ZNF165: variants seen among roughly 807,000 people sequenced by gnomAD.
ZNF165 encodes zinc finger protein 165, also known as cancer/testis antigen 53.
In ZNF165, 14 loss-of-function variants were observed where a neutral mutation model predicts 19.6. That is an observed-to-expected ratio of 0.71 (90% confidence interval 0.47 to 1.12). The LOEUF (loss-of-function observed/expected upper bound fraction) is 1.12, where lower values mean the gene tolerates loss of function less well. Among genes scored for constraint, ZNF165 ranks in the 50% most tolerant of loss-of-function variants. The pLI is 0.00. For synonymous variants in ZNF165, 165 were observed against 195.0 expected (o/e 0.85, Z 1.28); for missense variants, 504 against 566.3 (o/e 0.89, Z 1.12).
At chr6:28,081,296 G>C (rs562620043) in intron 1 of ZNF165, 1 of 152,278 alleles carries the variant, frequency 6.6e-6, no homozygotes, top group Non-Finnish European at 1.5e-5. Context: ...ATTCCAGCCA[G>C]GTGGAACGGG....
intron 3 of ZNF165, 128 bp from the exon 4 acceptor site, chr6:28,088,435 A>G: frequency 2.6e-6 from 2 of 757,200 alleles, no homozygotes; most frequent in South Asian, 2.1e-5. Flanking sequence ...CTTTCATTCT[A>G]TCATTCCTCT....
At chr6:28,086,463 G>A (rs905037852) in intron 3 of ZNF165, among the ~76,000 whole-genome samples, 153 bp downstream of exon 3, 34 of 152,240 alleles carry the variant, frequency 2.2e-4, no homozygotes, top group African/African-American at 8.2e-4. Flanking sequence ...GCTCACTCCT[G>A]TAATCCCAGC....
chr6:28,086,035 C>T, intron 2 of ZNF165, 137 bp from the exon 3 acceptor site: 2 of 1,490,402 alleles, frequency 1.3e-6, no homozygotes, highest in South Asian at 1.3e-5. Context: ...TTTGATTCCA[C>T]ACTACATTTT....
intron 1 of ZNF165, among the ~76,000 whole-genome samples, chr6:28,082,829 T>A (rs1451669064): frequency 6.6e-6 from 1 of 152,260 alleles, no homozygotes; most frequent in Non-Finnish European, 1.5e-5. Flanking sequence ...TTGTTTCTGT[T>A]GGAAATATTT....
intron 1 of ZNF165, among the ~76,000 whole-genome samples, chr6:28,084,817 G>A (rs1042020440): frequency 5.3e-5 from 8 of 152,146 alleles, no homozygotes; most frequent in Admixed American, 2.0e-4. Flanking sequence ...ACTCCCCAGT[G>A]CCTAAAAGAT....
rs779010203 is a variant in ZNF165, at chr6:28,089,335, A to G, written c.1323A>G (p.Ser441=). 2 of 1,614,154 alleles carry G rather than the reference A, an allele frequency of 1.2e-6. No individual in the cohort carries two copies. The highest frequency in any genetic ancestry group is 1.7e-5 in the Admixed American group (1 of 60,032). The change falls in exon 4 of 4, where the codon TCA becomes TCG. Residue 441 remains serine, a synonymous_variant. Coordinates refer to ENST00000683778, the MANE Select transcript of ZNF165 (RefSeq NM_001376491.1). ...GTGGGAAAACCTTCCGAGTGAGCTCACATCTTATTCGACACTTTAGAATTC... is the reference window on the plus strand; with the variant it reads ...GTGGGAAAACCTTCCGAGTGAGCTCGCATCTTATTCGACACTTTAGAATTC... ...SECGKTFRVS[S]HLIRHFRIHT... is the part of the protein sequence containing the mutation.
chr6:28,084,726 C>T (rs1764232136), intron 1 of ZNF165, among the ~76,000 whole-genome samples: 2 of 152,234 alleles, frequency 1.3e-5, no homozygotes, highest in East Asian at 1.9e-4. Flanking sequence ...TATTGCCACC[C>T]ACCCTAGAAA....
intron 3 of ZNF165, among the ~76,000 whole-genome samples, chr6:28,087,231 GGTTT>G (rs1449340257): frequency 6.6e-6 from 1 of 152,108 alleles, no homozygotes; most frequent in Non-Finnish European, 1.5e-5. Context: ...TTAATTTTTT[GGTTT>G]GTTTGTTTTG....
In ZNF165 at chr6:28,088,736, G is replaced by A. The variant is rs1764352518; in HGVS notation, c.724G>A (p.Gly242Arg). ...AAAGAGACAATGGGAAAAAGAATCA[G>A]GGGAGTCTCAGAGACTCTCGTCTGC... is the stretch of plus-strand genomic sequence containing the variant. The part of the protein sequence containing the change: ...RVKRQWEKES[G>R]ESQRLSSAQD... Residue 242 changes from glycine (G) to arginine (R), a missense_variant, in exon 4 of 4, where the codon GGG becomes AGG. Physicochemically the swap from Gly to Arg is moderately radical, Grantham distance 125. Coordinates refer to ENST00000683778, the MANE Select transcript of ZNF165 (RefSeq NM_001376491.1). 6.2e-7 allele frequency: 1 copy of A among 1,614,110 alleles called. No homozygotes were observed. The highest frequency in any genetic ancestry group is 8.5e-7 in the Non-Finnish European group (1 of 1,179,994).
In ZNF165 at chr6:28,088,644, G is replaced by C. The variant is rs745467577; in HGVS notation, c.632G>C (p.Arg211Thr). 6.2e-7 allele frequency: 1 copy of C among 1,613,952 alleles called. No individual in the cohort carries two copies. The highest frequency in any genetic ancestry group is 8.5e-7 in the Non-Finnish European group (1 of 1,179,988). The change falls in exon 4 of 4, where the codon AGA (arginine) becomes ACA (threonine). Residue 211 changes from arginine (R) to threonine (T), a missense_variant. By Grantham distance (71) the Arg-to-Thr change is moderately conservative. Transcript: ENST00000683778. ...KIESQRIISG[R>T]ISGYISEASG... is the part of the protein sequence containing the mutation. Reference sequence around the variant, plus strand: ...GAATCACAGAGAATTATATCTGGAAGAATCTCAGGATACATATCAGAAGCA... The same window carrying C: ...GAATCACAGAGAATTATATCTGGAACAATCTCAGGATACATATCAGAAGCA...
chr6:28,085,210 A>C (rs890128088), intron 1 of ZNF165, among the ~76,000 whole-genome samples: 1 of 152,168 alleles, frequency 6.6e-6, no homozygotes, highest in Non-Finnish European at 1.5e-5. Context: ...ATTTAAGTTT[A>C]TTGTTTCTAA....
Position 28,085,599 on chromosome 6 carries a change from G to T in ZNF165, c.119G>T (p.Ser40Ile), listed in dbSNP as rs1208258903. The change falls in exon 2 of 4, where the codon AGT becomes ATT. Residue 40 changes from serine (S) to isoleucine (I), a missense_variant. By Grantham distance (142) the Ser-to-Ile change is moderately radical. Transcript: ENST00000683778. ...GGGCAGGACACTTGCTTACAGAGAA[G>T]TGAACTCCTTAAGCAGGAGCTCTGC... The part of the protein sequence containing the change: ...IHGQDTCLQR[S>I]ELLKQELCRQ... The T allele has an allele frequency of 6.2e-7, 1 of 1,614,132 alleles. No homozygotes were observed. The highest frequency in any genetic ancestry group is 1.7e-5 in the Admixed American group (1 of 60,012).
chr6:28,085,412 C>T, intron 1 of ZNF165, 69 bp from the exon 2 acceptor site: 1 of 1,501,038 alleles, frequency 6.7e-7, no homozygotes, highest in Non-Finnish European at 9.0e-7. Context: ...CTTTTGATCC[C>T]TCAGGAGGAC....
intron 1 of ZNF165, chr6:28,081,614 C>T (rs947919163): frequency 1.3e-5 from 2 of 152,142 alleles, no homozygotes; most frequent in African/African-American, 4.8e-5. Context: ...TGACTGTCTC[C>T]CTCTCCACCA....
At position 28,085,717 on chromosome 6, in the gene ZNF165, G is replaced by A. The variant is rs898847504; in HGVS notation, c.237G>A (p.Lys79=). Residue 79 remains lysine (K), a synonymous_variant, in exon 2 of 4, where the codon AAG becomes AAA. Coordinates refer to ENST00000683778, the MANE Select transcript of ZNF165 (RefSeq NM_001376491.1). ...GGGAGCTCTGCTGTCAGTGGCTGAA[G>A]CCAGAGATCCATACCAAGGAACAGA... The part of the protein sequence containing the change: ...RLRELCCQWL[K]PEIHTKEQIL... The A allele has an allele frequency of 2.5e-5, 41 of 1,613,824 alleles. No individual in the cohort carries two copies. Among genetic ancestry groups the A allele is most frequent in the Non-Finnish European group, 3.1e-5 (37 of 1,180,048 alleles).
At chr6:28,085,098 T>C (rs972616884) in intron 1 of ZNF165, among the ~76,000 whole-genome samples, 20 of 152,218 alleles carry the variant, frequency 1.3e-4, no homozygotes, top group Non-Finnish European at 2.8e-4. Flanking sequence ...TTTTCTCATC[T>C]CCTATTTTAT....
intron 1 of ZNF165, among the ~76,000 whole-genome samples, chr6:28,083,994 A>G (rs9357061): frequency 0.23 from 35,691 of 152,126 alleles, 4,357 homozygotes; most frequent in African/African-American, 0.3. Context: ...AGTTCTTCCC[A>G]CTGAATTTAT....
chr6:28,085,888 C>T lies in ZNF165; in HGVS notation c.408C>T (p.Leu136=). 1 of 1,609,060 alleles carries T rather than the reference C, an allele frequency of 6.2e-7. No homozygotes were observed. Among genetic ancestry groups the T allele is most frequent in the Non-Finnish European group, 8.5e-7 (1 of 1,179,932 alleles). The change falls in exon 2 of 4, where the codon CTC becomes CTT. Residue 136 remains leucine, a synonymous_variant. Transcript: ENST00000683778. The part of the protein sequence containing the change: ...DLERGTDEAV[L]QVQAHEHGQE... ...AGAGAGGCACTGATGAAGCAGTACT[C>T]CAGGTGCACAGGGGATGGGAGATCT...
chr6:28,089,297 G>C lies in ZNF165; in HGVS notation c.1285G>C (p.Glu429Gln). The change falls in exon 4 of 4, where the codon GAG (glutamate) becomes CAG (glutamine). Residue 429 changes from glutamate (E) to glutamine (Q), a missense_variant. By Grantham distance (29) the Glu-to-Gln change is conservative (BLOSUM62 2). Transcript: ENST00000683778. The stretch of plus-strand genomic sequence containing the variant: ...AATTCACACCAGAGAGAAACCCTAC[G>C]AGTGTAGTGAATGTGGGAAAACCTT... ...QRIHTREKPY[E>Q]CSECGKTFRV... is the part of the protein sequence containing the mutation. 6.2e-7 allele frequency: 1 copy of C among 1,614,134 alleles called. No individual in the cohort carries two copies. Among genetic ancestry groups the C allele is most frequent in the Non-Finnish European group, 8.5e-7 (1 of 1,180,008 alleles).
Sources: gnomAD v4.1 joint callset for allele counts (sites outside exome capture counted in the v4.1 genomes callset) on GRCh38, gnomAD v4.1.1 for gene constraint, MANE v1.5 for transcripts, NCBI Gene and HGNC (gene_info 2026-07-23, HGNC 2026-07-21) for gene names.